Variants in MPHOSPH9 observed in about 807,000 individuals in gnomAD.
MPHOSPH9 encodes M-phase phosphoprotein 9.
Under a neutral mutation model 145.5 loss-of-function variants are expected in MPHOSPH9, and 88 were observed. That is an observed-to-expected ratio of 0.60 (90% CI 0.51 to 0.72). The LOEUF (loss-of-function observed/expected upper bound fraction) is 0.72. Ranked by LOEUF, MPHOSPH9 falls within the 30% of genes least tolerant of loss-of-function variation. MPHOSPH9 has a pLI of 0.00. For synonymous variants in MPHOSPH9, 435 were observed against 486.2 expected (o/e 0.89, Z 1.39); for missense variants, 1,238 against 1,386.6 (o/e 0.89, Z 1.70).
intron 7 of MPHOSPH9, among the ~76,000 whole-genome samples, chr12:123,211,684 C>CTTTTTTTTTTTTTTTT: frequency 1.5e-5 from 1 of 67,756 alleles, no homozygotes; most frequent in Non-Finnish European, 3.1e-5. Flanking sequence ...TAGACAATTT[C>CTTTTTTTTTTTTTTTT]TTTTTTTTTT....
chr12:123,209,365 A>G (rs1476636038), intron 8 of MPHOSPH9, among the ~76,000 whole-genome samples: 1 of 152,160 alleles, frequency 6.6e-6, no homozygotes, highest in Non-Finnish European at 1.5e-5. Context: ...AATAAAATTT[A>G]TACTGGAGTA....
At chr12:123,228,460 C>A (rs1000280497) in intron 2 of MPHOSPH9, among the ~76,000 whole-genome samples, 2 of 152,170 alleles carry the variant, frequency 1.3e-5, no homozygotes, top group Non-Finnish European at 1.5e-5. Context: ...GAGGCCAAGG[C>A]GGGCGGATCA....
chr12:123,223,169 A>C, intron 3 of MPHOSPH9, 42 bp from the exon 4 acceptor site: 2 of 1,214,000 alleles, frequency 1.6e-6, no homozygotes, highest in South Asian at 4.4e-5. Context: ...TAATTTTTTG[A>C]CTTAACATTT....
intron 3 of MPHOSPH9, among the ~76,000 whole-genome samples, chr12:123,223,806 T>C (rs1196488585): frequency 1.3e-5 from 2 of 152,164 alleles, no homozygotes; most frequent in South Asian, 2.1e-4. Flanking sequence ...TGCCCCACTC[T>C]AACTCCAAGC....
At position 123,202,375 on chromosome 12, in the gene MPHOSPH9, C is replaced by T. The variant is rs1330365544; in HGVS notation, c.1782-56G>A. 4.0e-6 allele frequency: 6 copies of T among 1,497,766 alleles called. No homozygotes were observed. In the African/African-American group the frequency reaches 4.2e-5, roughly 11 times the overall value. 92.8% of individuals were successfully genotyped at this position (1,497,766 alleles called of 1,614,324 possible). A position where few individuals can be genotyped will look rare whatever the true frequency, so the allele number is the denominator to read the frequency against. ...AGGAAAGCTATCTTCAGTCTCCATC[C>T]CACAAGAGAAACCAAGAACACAATG... On this transcript the variant is annotated intron_variant, in intron 10 of 23. Transcript: ENST00000606320.
chr12:123,242,510 G>C (rs2138758794), intron 1 of MPHOSPH9, among the ~76,000 whole-genome samples: 1 of 152,300 alleles, frequency 6.6e-6, no homozygotes, highest in African/African-American at 2.4e-5. Context: ...GTGGAACCAT[G>C]GGTGTGTTTG....
At chr12:123,175,275 G>A (rs373861788) in intron 16 of MPHOSPH9, among the ~76,000 whole-genome samples, 4 of 151,452 alleles carry the variant, frequency 2.6e-5, no homozygotes, top group South Asian at 4.2e-4. Context: ...CTCAGCCTCC[G>A]GAGTAGCTGG....
intron 20 of MPHOSPH9, 59 bp from the exon 21 acceptor site, chr12:123,162,277 C>G: frequency 2.2e-6 from 2 of 898,458 alleles, no homozygotes; most frequent in Non-Finnish European, 3.2e-6. Flanking sequence ...TTCCCTATCT[C>G]CACTACAAAG....
chr12:123,205,523 G>A (rs1338990254), intron 8 of MPHOSPH9, among the ~76,000 whole-genome samples: 1 of 151,800 alleles, frequency 6.6e-6, no homozygotes, highest in Non-Finnish European at 1.5e-5. Flanking sequence ...TCCAGCCTGT[G>A]AAACAGAGCG....
At position 123,221,419 on chromosome 12, in the gene MPHOSPH9, A is replaced by C. The variant is rs1313749630; in HGVS notation, c.825T>G (p.Phe275Leu). The change falls in exon 5 of 24, where the codon TTT becomes TTG. Residue 275 changes from phenylalanine to leucine, a missense_variant. Physicochemically the swap from Phe to Leu is conservative, Grantham distance 22. Around this residue, in one of 3 missense-constraint regions of MPHOSPH9, gnomAD observed 837 missense variants for 897.5 expected, o/e 0.93. Transcript: ENST00000606320. ...CTTCAGAAACCTTATTTTCACCAAG[A>C]AAATTATGTTCAAATTCACCAGGAG... ...SISPGEFEHN[F>L]LGENKVSEVY... 2 of 1,609,692 alleles carry C rather than the reference A, an allele frequency of 1.2e-6. No homozygotes were observed. Among genetic ancestry groups the C allele is most frequent in the East Asian group, 4.5e-5 (2 of 44,874 alleles).
intron 13 of MPHOSPH9, 53 bp downstream of exon 13, chr12:123,194,333 C>G (rs1001276720): frequency 9.4e-7 from 1 of 1,066,560 alleles, no homozygotes; most frequent in Non-Finnish European, 1.4e-6. Context: ...AGTATAATAC[C>G]TAAATTACTT....
At chr12:123,232,149 G>A (rs1451262753) in intron 1 of MPHOSPH9, among the ~76,000 whole-genome samples, 2 of 151,434 alleles carry the variant, frequency 1.3e-5, no homozygotes, top group African/African-American at 4.9e-5. Flanking sequence ...GAAATACCTG[G>A]ATTCCAATCA....
intron 13 of MPHOSPH9, among the ~76,000 whole-genome samples, chr12:123,184,039 C>G (rs2045325923): frequency 6.6e-6 from 1 of 152,002 alleles, no homozygotes; most frequent in Non-Finnish European, 1.5e-5. Context: ...GACCCCATCT[C>G]TACAAAAAAT....
chr12:123,155,708 G>C lies in MPHOSPH9; in HGVS notation c.*1099C>G, dbSNP rs192814500. On this transcript the variant is annotated 3_prime_UTR_variant, in exon 24 of 24. Coordinates refer to ENST00000606320, the MANE Select transcript of MPHOSPH9 (RefSeq NM_022782.4). The stretch of plus-strand genomic sequence containing the variant: ...CAAACCTGCCAATGCTCCTGGATCA[G>C]AGGAGAGACTCCTGCCCACGTGCTA... 56 of 152,334 alleles carry C rather than the reference G, an allele frequency of 3.7e-4. No individual in the cohort carries two copies. Among genetic ancestry groups the C allele is most frequent in the Admixed American group, 3.5e-3 (53 of 15,296 alleles). 9.4% of individuals were successfully genotyped at this position (152,334 alleles called of 1,614,324 possible).
intron 13 of MPHOSPH9, among the ~76,000 whole-genome samples, chr12:123,182,314 C>T (rs566670525): frequency 8.7e-5 from 12 of 138,002 alleles, no homozygotes; most frequent in African/African-American, 1.1e-4. Flanking sequence ...AGTGCAGTGG[C>T]GTGTTCTCAG....
chr12:123,239,687 C>T (rs1447441325), intron 1 of MPHOSPH9, among the ~76,000 whole-genome samples: 1 of 152,220 alleles, frequency 6.6e-6, no homozygotes, highest in East Asian at 1.9e-4. Flanking sequence ...CAGGCGTGAG[C>T]TACCGCGCCC....
At chr12:123,170,443 G>A (rs1314566309) in intron 16 of MPHOSPH9, among the ~76,000 whole-genome samples, 2 of 151,820 alleles carry the variant, frequency 1.3e-5, no homozygotes, top group East Asian at 1.9e-4. Flanking sequence ...GTGTCTAGCC[G>A]CTAACTTTTT....
chr12:123,202,746 A>G lies in MPHOSPH9; in HGVS notation c.1659T>C (p.Asp553=), dbSNP rs779026638. ...TSNDISVNTV[D]EENTVMVASA... is the part of the protein sequence containing the mutation. ...AAGCAACCATGACAGTGTTTTCTTCATCTACAGTGTTGACCGAGATATCAT... is the reference window on the plus strand; with the variant it reads ...AAGCAACCATGACAGTGTTTTCTTCGTCTACAGTGTTGACCGAGATATCAT... The change falls in exon 10 of 24, where the codon GAT becomes GAC. Residue 553 remains aspartate (D), a synonymous_variant. Coordinates refer to ENST00000606320, the MANE Select transcript of MPHOSPH9 (RefSeq NM_022782.4). 4 of 1,614,208 alleles carry G rather than the reference A, an allele frequency of 2.5e-6. No homozygotes were observed. The highest frequency in any genetic ancestry group is 2.5e-6 in the Non-Finnish European group (3 of 1,180,036).
intron 5 of MPHOSPH9, 122 bp downstream of exon 5, chr12:123,221,250 A>G (rs1175070049): frequency 2.4e-6 from 2 of 828,808 alleles, no homozygotes; most frequent in South Asian, 2.0e-5. Context: ...GTTTATTTCA[A>G]TTTTCTACAG....
Sources: gnomAD v4.1 joint callset for allele counts (sites outside exome capture counted in the v4.1 genomes callset) on GRCh38, gnomAD v4.1.1 for gene constraint, gnomAD v4.1.1 regional missense constraint, MANE v1.5 for transcripts, NCBI Gene and HGNC (gene_info 2026-07-23, HGNC 2026-07-21) for gene names.